The following RIMS3 variants were observed in gnomAD, a reference collection of about 807,000 sequenced individuals.
RIMS3 encodes the protein regulating synaptic membrane exocytosis protein 3.
A neutral mutation model predicts 29.2 loss-of-function variants in RIMS3; 15 were observed. That is an observed-to-expected ratio of 0.51 (90% CI 0.34 to 0.79). The LOEUF (loss-of-function observed/expected upper bound fraction) is 0.79. Among genes scored for constraint, RIMS3 ranks in the 30% least tolerant of loss-of-function variants. The pLI is 0.01. For synonymous variants in RIMS3, 161 were observed against 170.1 expected, an observed-to-expected ratio of 0.95 and a Z score of 0.41; for missense variants, 342 against 421.4, an observed-to-expected ratio of 0.81 and a Z score of 1.65.
At position 40,623,482 on chromosome 1, in the gene RIMS3, CT is replaced by C. The variant is rs906749545; in HGVS notation, c.*3034del. 2.5e-6 allele frequency: 1 copy of C among 398,584 alleles called. No individual in the cohort carries two copies. The highest frequency in any genetic ancestry group is 2.1e-5 in the African/African-American group (1 of 48,642). The allele number at this position is 398,584 out of a possible 1,614,324, so 24.7% of individuals were successfully genotyped here. A position where few individuals can be genotyped will look rare whatever the true frequency, so the allele number is the denominator to read the frequency against. Reference sequence around the variant, plus strand: ...CATCACTGCAGGGCCACTCCTGTCTCTGCCATATGCACAGTGAACCTCGCCT... The same window carrying C: ...CATCACTGCAGGGCCACTCCTGTCTCGCCATATGCACAGTGAACCTCGCCT... On this transcript the variant is annotated 3_prime_UTR_variant, in exon 8 of 8. Transcript: ENST00000372684.
chr1:40,687,329 C>A, the RIMS3 span, among the ~76,000 whole-genome samples: 1 of 151,876 alleles, frequency 6.6e-6, no homozygotes, highest in South Asian at 2.1e-4. Flanking sequence ...AGGCCAGGGG[C>A]GGTGGCTCAC....
chr1:40,672,348 G>A, the RIMS3 span, among the ~76,000 whole-genome samples: 5 of 151,818 alleles, frequency 3.3e-5, no homozygotes, highest in Admixed American at 6.6e-5. Context: ...ACAGGTGCCC[G>A]CCACCACGCC....
chr1:40,672,194 ATTTT>A, the RIMS3 span, among the ~76,000 whole-genome samples: 21 of 106,984 alleles, frequency 2.0e-4, no homozygotes, highest in East Asian at 1.4e-3. Context: ...TAGCTAGATG[ATTTT>A]TTTTTTTTTT....
At chr1:40,642,672 A>C (rs1378751850) in intron 2 of RIMS3, among the ~76,000 whole-genome samples, 1 of 152,048 alleles carries the variant, frequency 6.6e-6, no homozygotes, top group African/African-American at 2.4e-5. Context: ...ACATTATATC[A>C]TGGTCGGGCA....
chr1:40,648,874 T>A (rs994336840), intron 1 of RIMS3, among the ~76,000 whole-genome samples: 1 of 152,172 alleles, frequency 6.6e-6, no homozygotes, highest in African/African-American at 2.4e-5. Context: ...GGGTCTGGCA[T>A]CTAAGACCCC....
At chr1:40,670,574 T>TATATATATATATATATATA (rs1642479702), upstream of RIMS3, among the ~76,000 whole-genome samples, 1 of 71,210 alleles carries the variant, frequency 1.4e-5, no homozygotes, top group Non-Finnish European at 2.4e-5. Flanking sequence ...AGTTATAATT[T>TATATATATATATATATATA]TATATATATA....
At chr1:40,677,824 A>C in the RIMS3 span, among the ~76,000 whole-genome samples, 1 of 152,206 alleles carries the variant, frequency 6.6e-6, no homozygotes, top group Non-Finnish European at 1.5e-5. Flanking sequence ...GACCTTGAAG[A>C]AAAGTCGTGT....
chr1:40,686,817 C>T, the RIMS3 span, among the ~76,000 whole-genome samples: 110 of 152,268 alleles, frequency 7.2e-4, no homozygotes, highest in Admixed American at 1.6e-3. Context: ...GGCCCTCGCC[C>T]TCATTATATC....
chr1:40,676,327 T>C, the RIMS3 span, among the ~76,000 whole-genome samples: 4 of 152,300 alleles, frequency 2.6e-5, no homozygotes, highest in South Asian at 6.2e-4. Context: ...GGATGGTTTT[T>C]AGGTTGTTGG....
rs1646436129 is a variant in RIMS3 at position 40,623,694 on chromosome 1, C to A, written c.*2823G>T. 3 of 393,934 alleles carry A rather than the reference C, an allele frequency of 7.6e-6. No homozygotes were observed. Among genetic ancestry groups the A allele is most frequent in the Admixed American group, 4.5e-5 (1 of 22,466 alleles). The allele number at this position is 393,934 out of a possible 1,614,324, so 24.4% of individuals were successfully genotyped here. ...CCGTCCTCAAACAGCAGATGCTCCC[C>A]CACCCCAGCAAACAACCAGGAGTTA... On this transcript the variant is annotated 3_prime_UTR_variant, in exon 8 of 8. Transcript: ENST00000372684.
At chr1:40,627,815 G>A (rs916122953) in intron 7 of RIMS3, among the ~76,000 whole-genome samples, 6 of 151,668 alleles carry the variant, frequency 4.0e-5, no homozygotes, top group African/African-American at 1.5e-4. Flanking sequence ...TATGTTGCCA[G>A]GCTGGTCTCA....
chr1:40,634,855 C>T (rs7368217), intron 4 of RIMS3, among the ~76,000 whole-genome samples: 38,800 of 151,424 alleles, frequency 0.26, 5,157 homozygotes, highest in African/African-American at 0.31. Context: ...GCAGGAGAAT[C>T]GCTTGAACCT....
chr1:40,658,386 T>C (rs1285365730), intron 1 of RIMS3, among the ~76,000 whole-genome samples: 1 of 152,266 alleles, frequency 6.6e-6, no homozygotes, highest in Non-Finnish European at 1.5e-5. Context: ...CTCCAGCTGC[T>C]GTCCAGATGG....
chr1:40,688,119 C>T, the RIMS3 span, among the ~76,000 whole-genome samples: 1 of 152,166 alleles, frequency 6.6e-6, no homozygotes, highest in Non-Finnish European at 1.5e-5. Context: ...CGTGTGCCAC[C>T]ATGCCCGGCT....
chr1:40,649,918 G>A (rs1451486158), intron 1 of RIMS3, among the ~76,000 whole-genome samples: 7 of 152,194 alleles, frequency 4.6e-5, no homozygotes. Flanking sequence ...TGGATACTGT[G>A]TAGGAAGGCA....
At chr1:40,657,807 C>T (rs1203418685) in intron 1 of RIMS3, among the ~76,000 whole-genome samples, 2 of 148,880 alleles carry the variant, frequency 1.3e-5, no homozygotes, top group East Asian at 3.9e-4. Context: ...GTAGTCCCAA[C>T]TTCTTGGGAG....
At position 40,623,167 on chromosome 1, in the gene RIMS3, C is replaced by A; in HGVS notation, c.*3350G>T. 2.7e-6 allele frequency: 1 copy of A among 366,220 alleles called. No individual in the cohort carries two copies. The highest frequency in any genetic ancestry group is 4.9e-6 in the Non-Finnish European group (1 of 205,986). The allele number at this position is 366,220 out of a possible 1,614,324, so 22.7% of individuals were successfully genotyped here. ...TGCCTCAGCCCCCATGAAATGCTGG[C>A]ATTGCCTGGGACTTGCTGCATCCCA... On this transcript the variant is annotated 3_prime_UTR_variant, in exon 8 of 8. Coordinates refer to ENST00000372684, the MANE Select transcript of RIMS3 (RefSeq NM_014747.3).
intron 1 of RIMS3, among the ~76,000 whole-genome samples, chr1:40,652,769 A>C (rs973163090): frequency 6.6e-6 from 1 of 152,210 alleles, no homozygotes; most frequent in Non-Finnish European, 1.5e-5. Flanking sequence ...TTTAGATGTA[A>C]TGCTTTACAG....
rs145682903 is a variant in RIMS3, at chr1:40,641,527, T to A, written c.217+182A>T. ...TTCTTTGGTACCTGCCTCATAGAGCTCCATGGAGATTTAATCAGTCCATAC... is the reference window on the plus strand; with the variant it reads ...TTCTTTGGTACCTGCCTCATAGAGCACCATGGAGATTTAATCAGTCCATAC... On this transcript the variant is annotated intron_variant, in intron 3 of 7. Transcript: ENST00000372684. Among the ~76,000 whole-genome samples the A allele has an allele frequency of 2.0e-3, 298 of 152,250 alleles. 4 individuals are homozygous for A. The highest frequency in any genetic ancestry group is 6.7e-3 in the African/African-American group (279 of 41,550).
Sources: gnomAD v4.1 joint callset for allele counts (sites outside exome capture counted in the v4.1 genomes callset) on GRCh38, gnomAD v4.1.1 for gene constraint, MANE v1.5 for transcripts, NCBI Gene and HGNC (gene_info 2026-07-23, HGNC 2026-07-21) for gene names.